ORC3: variants seen among roughly 807,000 people sequenced by gnomAD.
ORC3 encodes the protein origin recognition complex subunit 3.
ORC3 carries 78 observed loss-of-function variants against 100.7 expected under a neutral mutation model. The observed-to-expected ratio is 0.77, with a 90% CI of 0.65 to 0.94. The LOEUF is 0.94. ORC3 is among the 40% of genes least tolerant of loss of function. ORC3 has a pLI of 0.00. For synonymous variants in ORC3, 295 were observed against 289.3 expected, an observed-to-expected ratio of 1.02 and a Z score of -0.20; for missense variants, 789 against 823.9, an observed-to-expected ratio of 0.96 and a Z score of 0.52.
At chr6:87,616,458 T>G in intron 9 of ORC3, 31 bp downstream of exon 9, 1 of 865,318 alleles carries the variant, frequency 1.2e-6, no homozygotes, top group Non-Finnish European at 1.9e-6. Context: ...TTGAAAATTC[T>G]CAAGCTGATT....
At chr6:87,651,516 G>A in intron 13 of ORC3, 1 of 274,542 alleles carries the variant, frequency 3.6e-6, no homozygotes, top group Non-Finnish European at 7.5e-6. Flanking sequence ...GAAATGTCTT[G>A]GCTTATTTTT....
chr6:87,645,419 A>C (rs1768683998), intron 13 of ORC3, among the ~76,000 whole-genome samples: 1 of 152,112 alleles, frequency 6.6e-6, no homozygotes, highest in Non-Finnish European at 1.5e-5. Flanking sequence ...CATCCTACAT[A>C]ATTGCTTTGT....
intron 2 of ORC3, among the ~76,000 whole-genome samples, chr6:87,596,020 T>C (rs1163388259): frequency 6.6e-6 from 1 of 151,340 alleles, no homozygotes; most frequent in Non-Finnish European, 1.5e-5. Flanking sequence ...TTAAAATTTT[T>C]TGTAGAGACA....
intron 12 of ORC3, 48 bp from the exon 13 acceptor site, chr6:87,636,359 A>G: frequency 9.3e-7 from 1 of 1,074,226 alleles, no homozygotes; most frequent in South Asian, 1.3e-5. Flanking sequence ...CCAAACTAGT[A>G]GTGTGTATAC....
At chr6:87,676,594 AAAAC>A in the ORC3 span, among the ~76,000 whole-genome samples, 3 of 66,004 alleles carry the variant, frequency 4.5e-5, no homozygotes, top group African/African-American at 1.7e-4. Context: ...GTCTCTACTA[AAAAC>A]ACACACACAC....
Position 87,603,409 on chromosome 6 carries a change from A to C in ORC3, c.203A>C (p.Asn68Thr). 1 of 1,513,082 alleles carries C rather than the reference A, an allele frequency of 6.6e-7. No individual in the cohort carries two copies. Among genetic ancestry groups the C allele is most frequent in the Non-Finnish European group, 9.0e-7 (1 of 1,108,902 alleles). The allele number at this position is 1,513,082 out of a possible 1,614,324, so 93.7% of individuals were successfully genotyped here. Residue 68 changes from asparagine to threonine, a missense_variant, in exon 4 of 20, where the codon AAC becomes ACC. Physicochemically the swap from Asn to Thr is moderately conservative, Grantham distance 65 (BLOSUM62 0). Coordinates refer to ENST00000392844, the MANE Select transcript of ORC3 (RefSeq NM_012381.4). ...CGACTACAAGAGGAATTAAATAAAA[A>C]CTTGTTTGACAATCTGATTGAATTT... Reference protein sequence around the residue: ...NERLQEELNKNLFDNLIEFLQ... With the variant: ...NERLQEELNKTLFDNLIEFLQ...
At chr6:87,637,027 A>G (rs1000368857) in intron 13 of ORC3, among the ~76,000 whole-genome samples, 1 of 152,212 alleles carries the variant, frequency 6.6e-6, no homozygotes, top group Non-Finnish European at 1.5e-5. Context: ...TCTTAGTGTT[A>G]AAGTTATTAT....
chr6:87,675,950 G>C, the ORC3 span: 1 of 1,594,734 alleles, frequency 6.3e-7, no homozygotes, highest in Non-Finnish European at 8.5e-7. Context: ...AAAGGTACTT[G>C]TCAATTACAT....
Position 87,601,841 on chromosome 6 carries a change from CT to C in ORC3, c.139del (p.Tyr47IlefsTer3). On this transcript the variant is annotated frameshift_variant, in exon 3 of 20. Transcript: ENST00000392844. LOFTEE classifies it high-confidence loss of function. ...GAGGACAGTAAGCTTCGATTCGAAA[CT>C]TATCAGTTGATATGGCAGCAGATGA... ...EPEDSKLRFE[T>X]YQLIWQQMKS... 1.2e-6 allele frequency: 2 copies of C among 1,611,644 alleles called. No homozygotes were observed. The highest frequency in any genetic ancestry group is 2.7e-5 in the African/African-American group (2 of 74,974).
rs144564618 is a variant in ORC3 at position 87,593,345 on chromosome 6, C to T, written c.25-1008C>T. ...TGGAGAAACAATTATAAATAAAATACAGTTTGTGCTTGAAGGCACTCACAG... is the reference window on the plus strand; with the variant it reads ...TGGAGAAACAATTATAAATAAAATATAGTTTGTGCTTGAAGGCACTCACAG... On this transcript the variant is annotated intron_variant, in intron 1 of 19. Coordinates refer to ENST00000392844, the MANE Select transcript of ORC3 (RefSeq NM_012381.4). Among the ~76,000 whole-genome samples the T allele has an allele frequency of 5.8e-3, 887 of 152,308 alleles. 6 individuals carry two copies. Among genetic ancestry groups the T allele is most frequent in the African/African-American group, 0.018 (769 of 41,568 alleles).
At chr6:87,646,821 T>A (rs1028668241) in intron 13 of ORC3, among the ~76,000 whole-genome samples, 1 of 152,242 alleles carries the variant, frequency 6.6e-6, no homozygotes, top group Non-Finnish European at 1.5e-5. Flanking sequence ...GGCTGTTATG[T>A]CCATTTATGT....
chr6:87,651,328 A>G (rs1227820424), intron 13 of ORC3: 1 of 456,080 alleles, frequency 2.2e-6, no homozygotes, highest in Admixed American at 2.3e-5. Context: ...CCTCCAAGCA[A>G]GTCAGTGCCG....
chr6:87,607,055 C>T (rs2047636306), intron 5 of ORC3, among the ~76,000 whole-genome samples: 1 of 152,090 alleles, frequency 6.6e-6, no homozygotes, highest in Non-Finnish European at 1.5e-5. Context: ...GTTTATTTTC[C>T]TATGTAATTT....
Position 87,662,474 on chromosome 6 carries a change from A to C in ORC3, c.1692-529A>C, listed in dbSNP as rs116317081. Among the ~76,000 whole-genome samples, 1,403 of 152,228 alleles carry C rather than the reference A, an allele frequency of 9.2e-3. 21 individuals are homozygous for C. Among genetic ancestry groups the C allele is most frequent in the African/African-American group, 0.031 (1,308 of 41,538 alleles). On this transcript the variant is annotated intron_variant, in intron 16 of 19. Coordinates refer to ENST00000392844, the MANE Select transcript of ORC3 (RefSeq NM_012381.4). ...AAACAAAAAAACCCCACAACTTTTGAGGTGTCATTTCCATGAAAGATATCA... is the reference window on the plus strand; with the variant it reads ...AAACAAAAAAACCCCACAACTTTTGCGGTGTCATTTCCATGAAAGATATCA...
chr6:87,665,732 TTC>T lies in ORC3; in HGVS notation c.1951-20_1951-19del. The T allele has an allele frequency of 6.5e-7, 1 of 1,530,230 alleles. No individual in the cohort carries two copies. The highest frequency in any genetic ancestry group is 9.0e-7 in the Non-Finnish European group (1 of 1,106,990). The allele number at this position is 1,530,230 out of a possible 1,614,324, so 94.8% of individuals were successfully genotyped here. A position where few individuals can be genotyped will look rare whatever the true frequency, so the allele number is the denominator to read the frequency against. On this transcript the variant is annotated intron_variant, in intron 18 of 19. Transcript: ENST00000392844. ...GGCAACTGTAGACATTTTTATTTTCTTCTGTCTTGTCTATTCAAAAGGCTTTT... is the reference window on the plus strand; with the variant it reads ...GGCAACTGTAGACATTTTTATTTTCTTGTCTTGTCTATTCAAAAGGCTTTT...
intron 1 of ORC3, among the ~76,000 whole-genome samples, chr6:87,593,116 A>C (rs144099833): frequency 0.02 from 3,112 of 152,240 alleles, 43 homozygotes; most frequent in Middle Eastern, 0.034. Context: ...AACAAACAAA[A>C]AAAAACTATA....
intron 7 of ORC3, 134 bp downstream of exon 7, chr6:87,609,363 A>G (rs534088495): frequency 1.6e-6 from 1 of 608,022 alleles, no homozygotes; most frequent in African/African-American, 1.9e-5. Context: ...TTATAATTGA[A>G]TATTCAAAGA....
chr6:87,664,888 A>T, intron 18 of ORC3, 29 bp downstream of exon 18: 1 of 1,335,094 alleles, frequency 7.5e-7, no homozygotes, highest in Non-Finnish European at 1.1e-6. Context: ...AACAAGCTAG[A>T]TATTTTTCTA....
At chr6:87,641,181 C>G (rs1487520052) in intron 13 of ORC3, among the ~76,000 whole-genome samples, 1 of 152,032 alleles carries the variant, frequency 6.6e-6, no homozygotes, top group Non-Finnish European at 1.5e-5. Flanking sequence ...GTACTACACT[C>G]TCATACCAGT....
Sources: gnomAD v4.1 joint callset for allele counts (sites outside exome capture counted in the v4.1 genomes callset) on GRCh38, gnomAD v4.1.1 for gene constraint, MANE v1.5 for transcripts, NCBI Gene and HGNC (gene_info 2026-07-23, HGNC 2026-07-21) for gene names.